Variants in NREP observed in about 807,000 individuals in gnomAD.
NREP encodes the protein neuronal regeneration related protein, also known as neuronal regeneration-related protein.
In NREP, 5 loss-of-function variants were observed where a neutral mutation model predicts 8.6. The ratio of observed to expected loss-of-function variants is 0.58; its 90% CI spans 0.30 to 1.22. NREP has a LOEUF of 1.22. Among genes scored for constraint, NREP ranks in the 50% most tolerant of loss-of-function variants. The probability of loss-of-function intolerance (pLI) is 0.07; values close to 1 mark genes in which losing one functional copy is unlikely to be tolerated. For missense variants in NREP, 86 were observed against 82.5 expected (o/e 1.04, Z -0.17); for synonymous variants, 27 against 28.0 (o/e 0.96, Z 0.11).
chr5:111,949,354 C>A (rs1330269554), intron 2 of NREP, among the ~76,000 whole-genome samples: 6 of 127,452 alleles, frequency 4.7e-5, no homozygotes, highest in African/African-American at 1.7e-4. Flanking sequence ...AAATTAAAAG[C>A]CCTAGGGATT....
chr5:111,773,619 A>G (rs1403250650), intron 2 of NREP, among the ~76,000 whole-genome samples: 1 of 152,210 alleles, frequency 6.6e-6, no homozygotes, highest in African/African-American at 2.4e-5. Flanking sequence ...GTACATTATA[A>G]TCAAAATTTT....
At chr5:111,962,906 C>T (rs1006910367) in intron 2 of NREP, among the ~76,000 whole-genome samples, 8 of 152,222 alleles carry the variant, frequency 5.3e-5, no homozygotes, top group Non-Finnish European at 1.2e-4. Flanking sequence ...ACAGCCACTT[C>T]CATCACTAAA....
intron 2 of NREP, among the ~76,000 whole-genome samples, chr5:111,866,745 C>A (rs1356095702): frequency 2.6e-5 from 4 of 151,998 alleles, no homozygotes; most frequent in Non-Finnish European, 4.4e-5. Context: ...GGAACCAACC[C>A]AAATGTCCAA....
intron 2 of NREP, among the ~76,000 whole-genome samples, chr5:111,942,691 A>C (rs1241690199): frequency 6.6e-6 from 1 of 152,076 alleles, no homozygotes; most frequent in Non-Finnish European, 1.5e-5. Context: ...TTGAAAATAG[A>C]GTTTTATACT....
In NREP at chr5:111,907,693, G is replaced by A. The variant is rs116838381; in HGVS notation, c.135+67581C>T. ...TTTCTTAGCACATACCAATTCTATT[G>A]TAAAATTCTGCTGTTCCTAACCCTC... On this transcript the variant is annotated intron_variant, in intron 2 of 3. Coordinates refer to the NREP transcript ENST00000395634. Among the ~76,000 whole-genome samples, 1,119 of 151,974 alleles carry A rather than the reference G, an allele frequency of 7.4e-3. 8 individuals carry two copies. Among genetic ancestry groups the A allele is most frequent in the African/African-American group, 0.025 (1,043 of 41,464 alleles).
intron 2 of NREP, among the ~76,000 whole-genome samples, chr5:111,946,888 A>G (rs184790842): frequency 6.6e-6 from 1 of 152,154 alleles, no homozygotes. Flanking sequence ...TTTGTAGTCA[A>G]CCAATTAGGA....
At chr5:111,847,683 A>T (rs1753216230) in intron 2 of NREP, among the ~76,000 whole-genome samples, 1 of 152,166 alleles carries the variant, frequency 6.6e-6, no homozygotes, top group Non-Finnish European at 1.5e-5. Context: ...GTTTGGAGAC[A>T]AGGTCAAATT....
chr5:111,790,995 CAGGGTGGGAG>C (rs1751732714), intron 2 of NREP, among the ~76,000 whole-genome samples: 2 of 152,176 alleles, frequency 1.3e-5, no homozygotes, highest in South Asian at 4.2e-4. Context: ...GGAATATGTG[CAGGGTGGGAG>C]AGGGTCCTGC....
At chr5:111,953,347 T>C (rs1193041956) in intron 2 of NREP, among the ~76,000 whole-genome samples, 1 of 152,064 alleles carries the variant, frequency 6.6e-6, no homozygotes, top group Non-Finnish European at 1.5e-5. Flanking sequence ...ATTCAACAAG[T>C]TTCCTTTTGA....
chr5:111,887,946 C>T (rs1754301245), intron 2 of NREP, among the ~76,000 whole-genome samples: 1 of 152,076 alleles, frequency 6.6e-6, no homozygotes, highest in African/African-American at 2.4e-5. Context: ...ACAGCAATTA[C>T]AAAATCTTTG....
chr5:111,843,035 G>A (rs1000666405), intron 2 of NREP, among the ~76,000 whole-genome samples: 1 of 152,014 alleles, frequency 6.6e-6, no homozygotes, highest in Non-Finnish European at 1.5e-5. Flanking sequence ...TCTTTTTTAT[G>A]TTTAATCTAT....
chr5:111,815,966 C>G (rs1247259952), intron 2 of NREP, among the ~76,000 whole-genome samples: 1 of 152,070 alleles, frequency 6.6e-6, no homozygotes, highest in Non-Finnish European at 1.5e-5. Context: ...TCTAAAACCA[C>G]TCAGAATAAA....
At chr5:111,758,058 C>T (rs998831277), upstream of NREP, 83 of 985,460 alleles carry the variant, frequency 8.4e-5, no homozygotes, top group African/African-American at 8.7e-5. Flanking sequence ...CGCGGAGCCG[C>T]GCTCAGACAC....
chr5:111,943,511 T>C (rs1308616527), intron 2 of NREP, among the ~76,000 whole-genome samples: 1 of 152,058 alleles, frequency 6.6e-6, no homozygotes, highest in Non-Finnish European at 1.5e-5. Context: ...CTCCAGAACT[T>C]TGTATTATAG....
At chr5:111,787,154 C>A (rs1751631462) in intron 2 of NREP, among the ~76,000 whole-genome samples, 1 of 152,168 alleles carries the variant, frequency 6.6e-6, no homozygotes, top group South Asian at 2.1e-4. Flanking sequence ...TGTGCTTCCT[C>A]CCACATCCCA....
chr5:111,738,365 G>C (rs1749342419), intron 2 of NREP: 2 of 152,200 alleles, frequency 1.3e-5, no homozygotes. Context: ...GCTGGATGTG[G>C]AGAATGGGTG....
intron 2 of NREP, chr5:111,739,338 A>G (rs1749442480): frequency 6.6e-6 from 1 of 152,260 alleles, no homozygotes; most frequent in African/African-American, 2.4e-5. Flanking sequence ...TAAGTGCAGA[A>G]TAAGCTCCAT....
intron 2 of NREP, among the ~76,000 whole-genome samples, chr5:111,890,215 T>C (rs2112532182): frequency 6.6e-6 from 1 of 152,274 alleles, no homozygotes; most frequent in African/African-American, 2.4e-5. Context: ...TCATTAAATA[T>C]TAAAGCTCCA....
At chr5:111,829,379 ACT>A (rs1270304435) in intron 2 of NREP, among the ~76,000 whole-genome samples, 6 of 152,116 alleles carry the variant, frequency 3.9e-5, no homozygotes, top group Admixed American at 1.3e-4. Context: ...ACCAGTTAAG[ACT>A]CTAATTCAGA....
Sources: gnomAD v4.1 joint callset for allele counts (sites outside exome capture counted in the v4.1 genomes callset) on GRCh38, gnomAD v4.1.1 for gene constraint, MANE v1.5 for transcripts, NCBI Gene and HGNC (gene_info 2026-07-23, HGNC 2026-07-21) for gene names.